The following ERLIN1 variants were observed in gnomAD, a reference collection of about 807,000 sequenced individuals.
ERLIN1 encodes erlin-1.
In ERLIN1, 24 loss-of-function variants were observed where a neutral mutation model predicts 46.9. The observed-to-expected ratio is 0.51, with a 90% confidence interval of 0.37 to 0.72. ERLIN1 has a LOEUF of 0.72. Ranked by LOEUF, ERLIN1 falls within the 30% of genes least tolerant of loss-of-function variation. The probability of loss-of-function intolerance (pLI) is 0.00; values close to 1 mark genes in which losing one functional copy is unlikely to be tolerated. For missense variants in ERLIN1, 293 were observed against 417.9 expected (o/e 0.70, Z 2.61); for synonymous variants, 158 against 143.2 (o/e 1.10, Z -0.74).
rs376416293 is a variant in ERLIN1, at chr10:100,169,486, T to C, written c.505-2080A>G. Among the ~76,000 whole-genome samples the C allele has an allele frequency of 1.1e-4, 16 of 152,152 alleles. No individual in the cohort carries two copies. In the East Asian group the frequency reaches 1.9e-3, roughly 18 times the overall value. ...AGTAGTTTTTCAAGAAGAAAAATGG[T>C]ATATAAATATATGGAAAGGAAAAAA... On this transcript the variant is annotated intron_variant, in intron 6 of 10. Coordinates refer to ENST00000421367, the MANE Select transcript of ERLIN1 (RefSeq NM_006459.4).
chr10:100,185,616 G>A lies in ERLIN1; in HGVS notation c.11C>T (p.Thr4Ile). MNM[T>I]QARVLVAAVV... ...TGCAGCCACCAGAACCCGGGCTTGAGTCATATTCATTCTCGTTCCTCCTGG... is the reference window on the plus strand; with the variant it reads ...TGCAGCCACCAGAACCCGGGCTTGAATCATATTCATTCTCGTTCCTCCTGG... Residue 4 changes from threonine to isoleucine, a missense_variant, in exon 1 of 11, where the codon ACT (threonine) becomes ATT (isoleucine). By Grantham distance (89) the Thr-to-Ile change is moderately conservative. Around this residue, in one of 3 missense-constraint regions of ERLIN1, gnomAD observed 76 missense variants for 77.0 expected, o/e 0.99. Coordinates refer to ENST00000421367, the MANE Select transcript of ERLIN1 (RefSeq NM_006459.4). 1 of 1,613,930 alleles carries A rather than the reference G, an allele frequency of 6.2e-7. No homozygotes were observed. Among genetic ancestry groups the A allele is most frequent in the South Asian group, 1.1e-5 (1 of 91,088 alleles).
In ERLIN1 at chr10:100,183,849, T is replaced by C. The variant is rs760053546; in HGVS notation, c.114-12A>G. The C allele has an allele frequency of 6.3e-7, 1 of 1,590,120 alleles. No individual in the cohort carries two copies. The highest frequency in any genetic ancestry group is 1.3e-5 in the African/African-American group (1 of 74,214). On this transcript the variant is annotated splice_polypyrimidine_tract_variant and intron_variant, in intron 1 of 10. Transcript: ENST00000421367. ...GTAAAGCTCCTCCCCTGCAAAAAGA[T>C]GTTTCAATTTGACAAAATTATAAAA...
At chr10:100,155,759 C>T (rs1200143330) in intron 9 of ERLIN1, among the ~76,000 whole-genome samples, 2 of 152,178 alleles carry the variant, frequency 1.3e-5, no homozygotes, top group Non-Finnish European at 2.9e-5. Context: ...TGTGATCCGC[C>T]CGCCTCGGCC....
intron 2 of ERLIN1, among the ~76,000 whole-genome samples, chr10:100,183,434 G>A (rs141207064): frequency 9.2e-5 from 14 of 152,250 alleles, no homozygotes; most frequent in Non-Finnish European, 1.6e-4. Flanking sequence ...ATAATCACTG[G>A]TTTGTATGTC....
At chr10:100,159,151 T>C (rs1843224428) in intron 8 of ERLIN1, among the ~76,000 whole-genome samples, 1 of 152,174 alleles carries the variant, frequency 6.6e-6, no homozygotes, top group Non-Finnish European at 1.5e-5. Context: ...ATAGCTATAT[T>C]ATCAGGCAAA....
intron 10 of ERLIN1, among the ~76,000 whole-genome samples, chr10:100,152,975 T>G: frequency 6.6e-6 from 1 of 152,300 alleles, no homozygotes; most frequent in African/African-American, 2.4e-5. Context: ...CATCTTAGCC[T>G]CCAGGGAGGC....
intron 2 of ERLIN1, among the ~76,000 whole-genome samples, chr10:100,180,770 C>T (rs1005096785): frequency 2.0e-5 from 3 of 152,140 alleles, no homozygotes; most frequent in Non-Finnish European, 1.5e-5. Flanking sequence ...ACAAAACGAA[C>T]CATTCAAAAA....
At chr10:100,178,104 T>C in intron 4 of ERLIN1, 29 bp downstream of exon 4, 1 of 1,465,488 alleles carries the variant, frequency 6.8e-7, no homozygotes, top group Non-Finnish European at 9.4e-7. Context: ...GCTATAACTA[T>C]AAAAACCACA....
intron 8 of ERLIN1, among the ~76,000 whole-genome samples, chr10:100,162,787 A>G (rs1020316685): frequency 2.0e-5 from 3 of 152,224 alleles, no homozygotes; most frequent in Admixed American, 2.0e-4. Context: ...AAAAACTTCT[A>G]AACACTCATT....
chr10:100,180,139 T>A (rs1324484547), intron 2 of ERLIN1, among the ~76,000 whole-genome samples: 2 of 152,238 alleles, frequency 1.3e-5, no homozygotes, highest in African/African-American at 2.4e-5. Flanking sequence ...TTCCTCCTGG[T>A]GAACCAACAA....
At chr10:100,160,818 G>A (rs1843330408) in intron 8 of ERLIN1, among the ~76,000 whole-genome samples, 1 of 152,074 alleles carries the variant, frequency 6.6e-6, no homozygotes, top group Admixed American at 6.6e-5. Flanking sequence ...GTGGTGGCGT[G>A]CACTTGTAGT....
rs1842833827 is a variant in ERLIN1, at chr10:100,152,145, CTT to C, written c.1031_1032del (p.Lys344ArgfsTer22). 1.2e-6 allele frequency: 2 copies of C among 1,611,476 alleles called. No individual in the cohort carries two copies. Among genetic ancestry groups the C allele is most frequent in the Non-Finnish European group, 1.7e-6 (2 of 1,177,598 alleles). On this transcript the variant is annotated frameshift_variant, in exon 11 of 11. Transcript: ENST00000421367. LOFTEE classifies it high-confidence loss of function. Reference protein sequence around the residue: ...EPSGENVIQNKESTG With the variant: ...EPSGENVIQNXESTG ...CACCTCTTGCATCAACCTGTGCTCT[CTT>C]TGTTTTGGATGACGTTCTCTCCAGA...
At chr10:100,162,383 C>G (rs1417069113) in intron 8 of ERLIN1, among the ~76,000 whole-genome samples, 2 of 152,098 alleles carry the variant, frequency 1.3e-5, no homozygotes. Context: ...TCTGATAACT[C>G]CAAGGACCAA....
intron 8 of ERLIN1, among the ~76,000 whole-genome samples, chr10:100,162,707 C>T (rs989970857): frequency 1.3e-5 from 2 of 152,074 alleles, no homozygotes; most frequent in African/African-American, 4.8e-5. Flanking sequence ...AAAACAAAAA[C>T]ATAAATATAT....
In ERLIN1 at chr10:100,152,140, G is replaced by C; in HGVS notation, c.1038C>G (p.Ser346Arg). ...SGENVIQNKE[S>R]TG Reference sequence around the variant, plus strand: ...ATTTCCACCTCTTGCATCAACCTGTGCTCTCTTTGTTTTGGATGACGTTCT... The same window carrying C: ...ATTTCCACCTCTTGCATCAACCTGTCCTCTCTTTGTTTTGGATGACGTTCT... Residue 346 changes from serine (S) to arginine (R), a missense_variant, in exon 11 of 11, where the codon AGC (serine) becomes AGG (arginine). Around this residue, in one of 3 missense-constraint regions of ERLIN1, gnomAD observed 69 missense variants for 74.5 expected, o/e 0.93. Coordinates refer to ENST00000421367, the MANE Select transcript of ERLIN1 (RefSeq NM_006459.4). 1 of 1,607,540 alleles carries C rather than the reference G, an allele frequency of 6.2e-7. No individual in the cohort carries two copies.
Position 100,180,836 on chromosome 10 carries a change from T to C in ERLIN1, c.196-1589A>G, listed in dbSNP as rs184833321. 3.9e-3 allele frequency among the ~76,000 whole-genome samples: 596 copies of C among 152,306 alleles called. 3 individuals are homozygous for C. Among genetic ancestry groups the C allele is most frequent in the Non-Finnish European group, 5.6e-3 (382 of 68,030 alleles). On this transcript the variant is annotated intron_variant, in intron 2 of 10. Transcript: ENST00000421367. ...GATGTAGTTCTCATTCTCCATCTTA[T>C]AGGGAGGTAAGAAAACCAGCTGGGA... is the stretch of plus-strand genomic sequence containing the variant.
rs1225187100 is a variant in ERLIN1, at chr10:100,150,570, C to T, written c.*1561G>A. 1 of 152,604 alleles carries T rather than the reference C, an allele frequency of 6.6e-6. No homozygotes were observed. Among genetic ancestry groups the T allele is most frequent in the Non-Finnish European group, 1.5e-5 (1 of 68,038 alleles). 9.5% of individuals were successfully genotyped at this position (152,604 alleles called of 1,614,324 possible). On this transcript the variant is annotated 3_prime_UTR_variant, in exon 11 of 11. Transcript: ENST00000421367. ...ATGAAAAATTATTTTCTCCATATTACAAATGCCTCTATAGGATAAGGCCCA... is the reference window on the plus strand; with the variant it reads ...ATGAAAAATTATTTTCTCCATATTATAAATGCCTCTATAGGATAAGGCCCA...
intron 8 of ERLIN1, among the ~76,000 whole-genome samples, chr10:100,161,600 G>C (rs1253217615): frequency 3.3e-5 from 5 of 152,076 alleles, no homozygotes; most frequent in African/African-American, 1.2e-4. Context: ...GAATAGTCCA[G>C]GATAATTTTA....
chr10:100,184,753 C>T (rs1357558694), intron 1 of ERLIN1, among the ~76,000 whole-genome samples: 1 of 152,166 alleles, frequency 6.6e-6, no homozygotes, highest in Non-Finnish European at 1.5e-5. Flanking sequence ...ATTAAAATTG[C>T]TCTTTTTCTA....
Sources: allele counts gnomAD v4.1 joint callset (sites outside exome capture counted in the v4.1 genomes callset), GRCh38; gene constraint gnomAD v4.1.1; regional missense constraint gnomAD v4.1.1; transcripts MANE v1.5; gene names NCBI Gene and HGNC (gene_info 2026-07-23, HGNC 2026-07-21).